Variants in BNC1 observed in about 807,000 individuals in gnomAD.
BNC1 encodes the protein basonuclin zinc finger protein 1, also known as zinc finger protein basonuclin-1.
In BNC1, 8 loss-of-function variants were observed where a neutral mutation model predicts 66.5. The observed-to-expected ratio is 0.12, with a 90% CI of 0.07 to 0.22. BNC1 has a LOEUF of 0.22. Ranked by LOEUF, BNC1 falls within the 10% of genes least tolerant of loss-of-function variation. BNC1 has a pLI of 1.00. For missense variants in BNC1, 1,069 were observed against 1,241.3 expected (o/e 0.86, Z 2.09); for synonymous variants, 454 against 452.6 (o/e 1.00, Z -0.04).
intron 4 of BNC1, among the ~76,000 whole-genome samples, chr15:83,262,599 G>A (rs752133658): frequency 2.6e-5 from 4 of 152,216 alleles, no homozygotes; most frequent in Non-Finnish European, 5.9e-5. Flanking sequence ...GTTTTTGGAA[G>A]TAAAAATTCA....
chr15:83,259,123 G>A (rs897798742), intron 4 of BNC1, among the ~76,000 whole-genome samples: 2 of 152,166 alleles, frequency 1.3e-5, no homozygotes, highest in African/African-American at 2.4e-5. Flanking sequence ...GATTACTCTC[G>A]AAGGACAGAT....
Position 83,257,871 on chromosome 15 carries a change from C to T in BNC1, c.2556G>A (p.Glu852=). The change falls in exon 5 of 5, where the codon GAG becomes GAA. Residue 852 remains glutamate, a synonymous_variant. Coordinates refer to ENST00000345382, the MANE Select transcript of BNC1 (RefSeq NM_001717.4). The part of the protein sequence containing the change: ...LESYNSGPLS[E]GTILDLSTTS... ...TAGTGCTCAAATCCAGGATGGTGCC[C>T]TCGCTCAAGGGGCCAGAGTTGTAGC... The T allele has an allele frequency of 6.2e-7, 1 of 1,614,116 alleles. No individual in the cohort carries two copies. Among genetic ancestry groups the T allele is most frequent in the East Asian group, 2.2e-5 (1 of 44,880 alleles).
chr15:83,278,219 A>G (rs928026124), intron 1 of BNC1, among the ~76,000 whole-genome samples: 24 of 152,220 alleles, frequency 1.6e-4, no homozygotes, highest in African/African-American at 5.5e-4. Context: ...ATCATCTTCC[A>G]CTAATAGTTT....
chr15:83,264,686 C>T lies in BNC1; in HGVS notation c.565G>A (p.Glu189Lys), dbSNP rs1387791555. The change falls in exon 4 of 5, where the codon GAA becomes AAA. Residue 189 changes from glutamate to lysine, a missense_variant. By Grantham distance (56) the Glu-to-Lys change is moderately conservative. Transcript: ENST00000345382. ...IVELMAIQEK[E>K]EQSIIIPPST... ...GGTGGTATGATGATGGATTGCTCTT[C>T]TTTCTCTTGAATTGCCATGAGTTCA... 3 of 1,614,162 alleles carry T rather than the reference C, an allele frequency of 1.9e-6. No homozygotes were observed. The South Asian group carries it at 3.3e-5, about 18-fold the overall frequency.
chr15:83,280,280 G>A (rs995443003), intron 1 of BNC1, among the ~76,000 whole-genome samples: 6 of 152,056 alleles, frequency 3.9e-5, no homozygotes, highest in African/African-American at 1.2e-4. Flanking sequence ...AACCTCAGAG[G>A]TAATCTTTAG....
In BNC1 at chr15:83,264,414, T is replaced by A. The variant is rs1180802103; in HGVS notation, c.837A>T (p.Glu279Asp). 6.2e-7 allele frequency: 1 copy of A among 1,614,220 alleles called. No homozygotes were observed. Among genetic ancestry groups the A allele is most frequent in the Non-Finnish European group, 8.5e-7 (1 of 1,180,032 alleles). The change falls in exon 4 of 5, where the codon GAA becomes GAT. Residue 279 changes from glutamate (E) to aspartate (D), a missense_variant. Glu to Asp is a conservative substitution (Grantham distance 45, BLOSUM62 2). Transcript: ENST00000345382. Reference sequence around the variant, plus strand: ...TGCTGTCAGGGAAGGGCCCATGGACTTCCTGTTTGGGGTCCTGACTTTGGT... The same window carrying A: ...TGCTGTCAGGGAAGGGCCCATGGACATCCTGTTTGGGGTCCTGACTTTGGT... The part of the protein sequence containing the change: ...GHDQSQDPKQ[E>D]VHGPFPDSSF...
Position 83,257,818 on chromosome 15 carries a change from C to G in BNC1, c.2609G>C (p.Ser870Thr). ...TTSSMKSESS[S>T]HSSWDSDGVS... ...CCCGTCAGAGTCCCAGGAAGAATGG[C>G]TGCTACTCTCTGACTTCATGCTCGA... Residue 870 changes from serine (S) to threonine (T), a missense_variant, in exon 5 of 5, where the codon AGC (serine) becomes ACC (threonine). Around this residue, in one of 7 missense-constraint regions of BNC1, gnomAD observed 657 missense variants for 715.8 expected, o/e 0.92. Coordinates refer to ENST00000345382, the MANE Select transcript of BNC1 (RefSeq NM_001717.4). The G allele has an allele frequency of 6.2e-7, 1 of 1,614,158 alleles. No individual in the cohort carries two copies. Among genetic ancestry groups the G allele is most frequent in the South Asian group, 1.1e-5 (1 of 91,086 alleles).
In BNC1 at chr15:83,268,248, A is replaced by G; in HGVS notation, c.100-16T>C. On this transcript the variant is annotated splice_polypyrimidine_tract_variant and intron_variant, in intron 1 of 4. Transcript: ENST00000345382. ...AGCTGATAGCCTGAAAAAGAGGAGA[A>G]AACAGGTATGTGGAGCATGTAAGTG... 1 of 1,596,066 alleles carries G rather than the reference A, an allele frequency of 6.3e-7. No individual in the cohort carries two copies. The highest frequency in any genetic ancestry group is 1.1e-5 in the South Asian group (1 of 90,674).
At position 83,264,344 on chromosome 15, in the gene BNC1, G is replaced by C; in HGVS notation, c.907C>G (p.Gln303Glu). 1.2e-6 allele frequency: 2 copies of C among 1,614,140 alleles called. No individual in the cohort carries two copies. The highest frequency in any genetic ancestry group is 2.2e-5 in the South Asian group (2 of 91,080). Residue 303 changes from glutamine (Q) to glutamate (E), a missense_variant, in exon 4 of 5, where the codon CAG (glutamine) becomes GAG (glutamate). By Grantham distance (29) the Gln-to-Glu change is conservative (BLOSUM62 2). Around this residue, in one of 7 missense-constraint regions of BNC1, gnomAD observed 181 missense variants for 181.5 expected, o/e 1.00. Transcript: ENST00000345382. ...SSTPFQVEKD[Q>E]CLNCPDAITK... ...ATAGCATCCGGACAGTTTAAACACT[G>C]ATCTTTTTCAACCTGAAATGGTGTG...
intron 1 of BNC1, among the ~76,000 whole-genome samples, chr15:83,268,715 T>A (rs1409142409): frequency 6.6e-6 from 1 of 152,084 alleles, no homozygotes; most frequent in Non-Finnish European, 1.5e-5. Flanking sequence ...ACAAATAAGA[T>A]TTGAGAACAT....
chr15:83,278,156 CT>C (rs1412439228), intron 1 of BNC1, among the ~76,000 whole-genome samples: 1 of 152,224 alleles, frequency 6.6e-6, no homozygotes, highest in East Asian at 1.9e-4. Context: ...GAGTGTCGGA[CT>C]TTAGCTGACC....
Position 83,263,365 on chromosome 15 carries a change from G to A in BNC1, c.1886C>T (p.Thr629Ile), listed in dbSNP as rs1217762716. ...CTCAGTCTCCCTCTCTGAATTGTGT[G>A]TGGCCTGCTCAGGGGTTTGGCTGAT... ...GAISQTPEQATHNSERETEQT... is the reference protein window; with the variant it reads ...GAISQTPEQAIHNSERETEQT... The change falls in exon 4 of 5, where the codon ACA becomes ATA. Residue 629 changes from threonine (T) to isoleucine (I), a missense_variant. Coordinates refer to ENST00000345382, the MANE Select transcript of BNC1 (RefSeq NM_001717.4). 28 of 1,614,096 alleles carry A rather than the reference G, an allele frequency of 1.7e-5. No homozygotes were observed. Among genetic ancestry groups the A allele is most frequent in the Non-Finnish European group, 2.3e-5 (27 of 1,180,046 alleles).
intron 1 of BNC1, among the ~76,000 whole-genome samples, chr15:83,284,268 A>T (rs4843134): frequency 0.61 from 92,766 of 151,688 alleles, 30,993 homozygotes; most frequent in African/African-American, 0.89. Context: ...ACGCGCCCGC[A>T]GATCCGGCGC....
intron 2 of BNC1, 118 bp from the exon 3 acceptor site, chr15:83,267,189 A>G: frequency 1.4e-6 from 1 of 719,710 alleles, no homozygotes; most frequent in Non-Finnish European, 2.3e-6. Flanking sequence ...AAATACATGA[A>G]TATACAAATG....
chr15:83,284,119 G>A (rs2038416468), intron 1 of BNC1, among the ~76,000 whole-genome samples: 2 of 152,168 alleles, frequency 1.3e-5, no homozygotes, highest in East Asian at 1.9e-4. Flanking sequence ...AAAAAAGAAG[G>A]GGTCGACCCC....
intron 4 of BNC1, among the ~76,000 whole-genome samples, chr15:83,259,249 T>G (rs2038116726): frequency 6.6e-6 from 1 of 152,158 alleles, no homozygotes; most frequent in Admixed American, 6.5e-5. Context: ...CAAGCAAAAG[T>G]CCTTACCAAG....
chr15:83,263,423 G>T lies in BNC1; in HGVS notation c.1828C>A (p.His610Asn). Reference sequence around the variant, plus strand: ...CTGGACTCAATTACTGATTCACGATGGCAGGGCCTCTCCCCTTCAGGGAAA... The same window carrying T: ...CTGGACTCAATTACTGATTCACGATTGCAGGGCCTCTCCCCTTCAGGGAAA... The part of the protein sequence containing the change: ...KPFPEGERPC[H>N]RESVIESSGA... Residue 610 changes from histidine to asparagine, a missense_variant, in exon 4 of 5, where the codon CAT (histidine) becomes AAT (asparagine). Transcript: ENST00000345382. The T allele has an allele frequency of 1.2e-6, 2 of 1,614,190 alleles. No homozygotes were observed. Among genetic ancestry groups the T allele is most frequent in the Non-Finnish European group, 1.7e-6 (2 of 1,180,032 alleles).
chr15:83,259,407 G>A (rs1447241884), intron 4 of BNC1, among the ~76,000 whole-genome samples: 2 of 152,168 alleles, frequency 1.3e-5, no homozygotes, highest in Non-Finnish European at 2.9e-5. Flanking sequence ...CCCCAAAGAC[G>A]TGTGTGGGAA....
At position 83,263,329 on chromosome 15, in the gene BNC1, G is replaced by T. The variant is rs2038168224; in HGVS notation, c.1922C>A (p.Ala641Glu). The change falls in exon 4 of 5, where the codon GCA becomes GAA. Residue 641 changes from alanine to glutamate, a missense_variant. Physicochemically the swap from Ala to Glu is moderately radical, Grantham distance 107. Transcript: ENST00000345382. Reference sequence around the variant, plus strand: ...GACCTCCCTTGGCACCATGATCAATGCTGGTGTCTGCTCAGTCTCCCTCTC... The same window carrying T: ...GACCTCCCTTGGCACCATGATCAATTCTGGTGTCTGCTCAGTCTCCCTCTC... ...NSERETEQTP[A>E]LIMVPREVED... The T allele has an allele frequency of 6.2e-7, 1 of 1,614,234 alleles. No homozygotes were observed. The highest frequency in any genetic ancestry group is 8.5e-7 in the Non-Finnish European group (1 of 1,180,032).
Sources: gnomAD v4.1 joint callset for allele counts (sites outside exome capture counted in the v4.1 genomes callset) on GRCh38, gnomAD v4.1.1 for gene constraint, gnomAD v4.1.1 regional missense constraint, MANE v1.5 for transcripts, NCBI Gene and HGNC (gene_info 2026-07-23, HGNC 2026-07-21) for gene names.